The following LILRB3 variants were observed in gnomAD, a reference collection of about 807,000 sequenced individuals.
LILRB3 encodes the protein leukocyte immunoglobulin-like receptor subfamily B member 3.
In LILRB3, 32 loss-of-function variants were observed where a neutral mutation model predicts 68.2. The ratio of observed to expected loss-of-function variants is 0.47; its 90% confidence interval spans 0.35 to 0.63. LILRB3 has a LOEUF of 0.63. Among genes scored for constraint, LILRB3 ranks in the 30% least tolerant of loss-of-function variants. The probability of loss-of-function intolerance (pLI) is 0.00; values close to 1 mark genes in which losing one functional copy is unlikely to be tolerated. For synonymous variants in LILRB3, 185 were observed against 323.1 expected (o/e 0.57, Z 4.58); for missense variants, 502 against 791.3 (o/e 0.63, Z 4.39).
exon 6 of LILRB3, chr19:54,220,739 C>A (rs1361275427): frequency 0.61 from 928,248 of 1,517,866 alleles, 268,793 homozygotes; most frequent in Middle Eastern, 0.63. Flanking sequence ...TGTCAAAATA[C>A]CCCCGTGACT....
chr19:54,219,375 C>T, intron 7 of LILRB3, 130 bp from the exon 8 acceptor site: 2 of 1,449,774 alleles, frequency 1.4e-6, no homozygotes, highest in Non-Finnish European at 1.9e-6. Context: ...GGAATTGCCA[C>T]CCGTACAACC....
intron 1 of LILRB3, 24 bp from the exon 2 acceptor site, chr19:54,222,806 C>G (rs879225925): frequency 6.2e-7 from 1 of 1,612,662 alleles, no homozygotes. Context: ...CCCTGTGAGG[C>G]ATTTGCCCTG....
chr19:54,222,200 G>A (rs2078256612), intron 3 of LILRB3, 70 bp from the exon 4 acceptor site: 1 of 1,611,320 alleles, frequency 6.2e-7, no homozygotes, highest in Admixed American at 1.7e-5. Flanking sequence ...GCTGGGCTGT[G>A]AGAGGGAGAC....
chr19:54,216,891 G>A, exon 13 of LILRB3: 2 of 1,436,888 alleles, frequency 1.4e-6, no homozygotes, highest in South Asian at 1.5e-5. Flanking sequence ...TTGTTGAGAA[G>A]TCTGTTGCTT....
intron 8 of LILRB3, 107 bp downstream of exon 8, chr19:54,219,022 C>T (rs2077782502): frequency 6.5e-7 from 1 of 1,528,850 alleles, no homozygotes; most frequent in African/African-American, 1.4e-5. Context: ...TTACGTGCCC[C>T]TGGAACCGGT....
Position 54,222,865 on chromosome 19 carries a change from C to T in LILRB3, c.34+78G>A, listed in dbSNP as rs1342009430. Reference sequence around the variant, plus strand: ...GGTGCCTCCTGAGCTTTTGAGGTCTCCTGATGGACCAGGGCTTGTGTGTGG... The same window carrying T: ...GGTGCCTCCTGAGCTTTTGAGGTCTTCTGATGGACCAGGGCTTGTGTGTGG... On this transcript the variant is annotated intron_variant, in intron 1 of 12. Coordinates refer to ENST00000445347, the Ensembl canonical transcript of LILRB3. 1.8e-4 allele frequency: 288 copies of T among 1,612,486 alleles called. 5 individuals carry two copies. In the African/African-American group the frequency reaches 2.6e-3, roughly 15 times the overall value.
exon 13 of LILRB3, chr19:54,216,875 CATTG>C: frequency 7.0e-7 from 1 of 1,429,162 alleles, no homozygotes; most frequent in Non-Finnish European, 9.1e-7. Flanking sequence ...GTTATTAACT[CATTG>C]ATTGTTGAGA....
chr19:54,218,350 C>T lies in LILRB3; in HGVS notation c.1593+11G>A, dbSNP rs199545400. Reference sequence around the variant, plus strand: ...GAGGCCTTTGGTGCCTGGGACGGGGCGGGATCTCACCTGACTGTCCAGCTC... The same window carrying T: ...GAGGCCTTTGGTGCCTGGGACGGGGTGGGATCTCACCTGACTGTCCAGCTC... On this transcript the variant is annotated intron_variant, in intron 11 of 12. Transcript: ENST00000445347. 441 of 1,613,898 alleles carry T rather than the reference C, an allele frequency of 2.7e-4. 4 individuals carry two copies. The African/African-American group carries it at 5.3e-3, about 19-fold the overall frequency.
intron 10 of LILRB3, 41 bp from the exon 11 acceptor site, chr19:54,218,454 A>G: frequency 6.2e-7 from 1 of 1,612,896 alleles, no homozygotes; most frequent in East Asian, 2.2e-5. Context: ...TGGTTCTCTG[A>G]GACCTCTCAG....
chr19:54,219,931 C>A (rs1394424897), intron 7 of LILRB3: 1 of 1,497,732 alleles, frequency 6.7e-7, no homozygotes, highest in Admixed American at 2.1e-5. Flanking sequence ...TGGGTCAGGA[C>A]AGGGAGGTGA....
exon 13 of LILRB3, chr19:54,216,989 T>C: frequency 5.0e-6 from 8 of 1,591,606 alleles, no homozygotes; most frequent in Non-Finnish European, 6.9e-6. Context: ...GTGTTAGGGG[T>C]CCAGGCTGAC....
At position 54,217,221 on chromosome 19, in the gene LILRB3, A is replaced by G. The variant is rs141841040; in HGVS notation, c.1768T>C (p.Ser590Pro). Residue 590 changes from serine to proline, a missense_variant, in exon 13 of 13, where the codon TCC becomes CCC. Physicochemically the swap from Ser to Pro is moderately conservative, Grantham distance 74. Around this residue, in one of 8 missense-constraint regions of LILRB3, gnomAD observed 267 missense variants for 245.5 expected, o/e 1.09. Transcript: ENST00000445347. ...AGCTGGGCGTAGGTCACATCCTGGGAGGCTTCAGATGCAGCAGCCTGCAGC... is the reference window on the plus strand; with the variant it reads ...AGCTGGGCGTAGGTCACATCCTGGGGGGCTTCAGATGCAGCAGCCTGCAGC... 3.5e-3 allele frequency: 5,472 copies of G among 1,568,126 alleles called. 97 individuals are homozygous for G. The African/African-American group carries it at 0.044, about 13-fold the overall frequency.
In LILRB3 at chr19:54,216,865, G is replaced by T. The variant is rs1435045353; in HGVS notation, c.*228C>A. The T allele has an allele frequency of 3.5e-6, 5 of 1,421,288 alleles. No homozygotes were observed. The African/African-American group carries it at 7.2e-5, about 21-fold the overall frequency. The allele number at this position is 1,421,288 out of a possible 1,614,324, so 88.0% of individuals were successfully genotyped here. On this transcript the variant is annotated 3_prime_UTR_variant, in exon 13 of 13. Coordinates refer to ENST00000445347, the Ensembl canonical transcript of LILRB3. ...GTCTGTTTTTGTTTTTTGTTTTTTT[G>T]TTATTAACTCATTGATTGTTGAGAA... is the stretch of plus-strand genomic sequence containing the variant.
At chr19:54,218,725 T>C (rs3852891) in intron 9 of LILRB3, 38 bp downstream of exon 9, 197,460 of 1,613,732 alleles carry the variant, frequency 0.12, 14,283 homozygotes, top group African/African-American at 0.32. Context: ...GTATGGGCTG[T>C]GGTGGGTGGG....
Position 54,216,911 on chromosome 19 carries a change from A to G in LILRB3, c.*182T>C, listed in dbSNP as rs58519237. ...GAGAAGTCTGTTGCTTTATTTCCAA[A>G]ATGGGACGATATTAGTCATCTTTGA... On this transcript the variant is annotated 3_prime_UTR_variant, in exon 13 of 13. Coordinates refer to ENST00000445347, the Ensembl canonical transcript of LILRB3. 6,829 of 1,443,020 alleles carry G rather than the reference A, an allele frequency of 4.7e-3. 290 individuals carry two copies. In the African/African-American group the frequency reaches 0.089, roughly 19 times the overall value. The allele number at this position is 1,443,020 out of a possible 1,614,324, so 89.4% of individuals were successfully genotyped here.
At chr19:54,219,400 A>G in intron 7 of LILRB3, 155 bp from the exon 8 acceptor site, 1 of 1,469,414 alleles carries the variant, frequency 6.8e-7, no homozygotes, top group East Asian at 2.5e-5. Context: ...TCACAGATGC[A>G]CAAACTGAGG....
In LILRB3 at chr19:54,218,047, A is replaced by T. The variant is rs3865478; in HGVS notation, c.1593+314T>A. On this transcript the variant is annotated intron_variant, in intron 11 of 12. Transcript: ENST00000445347. ...TGAGCTCCCTGGGAACACTCGCTGG[A>T]TGAATGAATGAAGAGGAGCCCAGGG... 1.5e-4 allele frequency among the ~76,000 whole-genome samples: 21 copies of T among 143,284 alleles called. 1 individual carries two copies. The highest frequency in any genetic ancestry group is 1.3e-3 in the South Asian group (6 of 4,688). 94.0% of individuals were successfully genotyped at this position (143,284 alleles called of 152,430 possible). A position where few individuals can be genotyped will look rare whatever the true frequency, so the allele number is the denominator to read the frequency against.
intron 10 of LILRB3, 58 bp downstream of exon 10, chr19:54,218,587 G>A (rs2147251499): frequency 1.9e-6 from 3 of 1,613,388 alleles, no homozygotes; most frequent in Non-Finnish European, 2.5e-6. Context: ...TGTTGCTACT[G>A]AAATTTTGGG....
chr19:54,218,720 G>C, intron 9 of LILRB3, 38 bp from the exon 10 acceptor site: 1 of 1,614,126 alleles, frequency 6.2e-7, no homozygotes, highest in South Asian at 1.1e-5. Context: ...GCAGTGTATG[G>C]GCTGTGGTGG....
Sources: gnomAD v4.1 joint callset for allele counts (sites outside exome capture counted in the v4.1 genomes callset) on GRCh38, gnomAD v4.1.1 for gene constraint, gnomAD v4.1.1 regional missense constraint, MANE v1.5 for transcripts, NCBI Gene and HGNC (gene_info 2026-07-23, HGNC 2026-07-21) for gene names.